The following CAMK2B variants were observed in gnomAD, a reference collection of about 807,000 sequenced individuals.
CAMK2B encodes the protein calcium/calmodulin-dependent protein kinase type II subunit beta.
A neutral mutation model predicts 93.7 loss-of-function variants in CAMK2B; 27 were observed. The ratio of observed to expected loss-of-function variants is 0.29; its 90% CI spans 0.21 to 0.40. CAMK2B has a LOEUF of 0.40. Ranked by LOEUF, CAMK2B falls within the 10% of genes least tolerant of loss-of-function variation. The pLI is 1.00. For synonymous variants in CAMK2B, 374 were observed against 358.8 expected (o/e 1.04, Z -0.48); for missense variants, 568 against 895.8 (o/e 0.63, Z 4.67).
At chr7:44,238,752 C>T (rs1328612502) in intron 13 of CAMK2B, among the ~76,000 whole-genome samples, 2 of 152,226 alleles carry the variant, frequency 1.3e-5, no homozygotes, top group Non-Finnish European at 2.9e-5. Context: ...GATCTGGGGT[C>T]ACCCCTGTAG....
intron 17 of CAMK2B, among the ~76,000 whole-genome samples, chr7:44,230,726 G>C (rs1178803132): frequency 6.6e-6 from 1 of 152,220 alleles, no homozygotes; most frequent in African/African-American, 2.4e-5. Flanking sequence ...GAGGGTCCTG[G>C]TGTGGAGAAC....
intron 2 of CAMK2B, among the ~76,000 whole-genome samples, chr7:44,273,385 G>A: frequency 6.6e-6 from 1 of 152,168 alleles, no homozygotes; most frequent in East Asian, 1.9e-4. Context: ...CGTAACCCCA[G>A]GACAGGACTC....
intron 1 of CAMK2B, among the ~76,000 whole-genome samples, chr7:44,288,897 T>C (rs1035529551): frequency 2.0e-5 from 3 of 151,964 alleles, no homozygotes; most frequent in African/African-American, 7.3e-5. Flanking sequence ...AGGTGCTGAG[T>C]GTACCTCCCC....
intron 1 of CAMK2B, among the ~76,000 whole-genome samples, chr7:44,317,507 T>C (rs1173073514): frequency 6.6e-6 from 1 of 152,218 alleles, no homozygotes; most frequent in Non-Finnish European, 1.5e-5. Context: ...GGTCTCTAAC[T>C]CCTGGGCTCA....
intron 3 of CAMK2B, among the ~76,000 whole-genome samples, chr7:44,259,876 T>C (rs1340276352): frequency 1.3e-5 from 2 of 152,162 alleles, no homozygotes; most frequent in East Asian, 3.8e-4. Context: ...CTAAGCACTT[T>C]GTGTGTGTTA....
chr7:44,273,609 G>A (rs893299707), intron 2 of CAMK2B, among the ~76,000 whole-genome samples: 1 of 152,128 alleles, frequency 6.6e-6, no homozygotes, highest in African/African-American at 2.4e-5. Context: ...TCTCTCCATA[G>A]ACACCAGCTT....
chr7:44,250,506 C>CCT (rs1354006931), intron 5 of CAMK2B, among the ~76,000 whole-genome samples: 1 of 151,458 alleles, frequency 6.6e-6, no homozygotes, highest in Admixed American at 6.6e-5. Context: ...TCCCTTCAGC[C>CCT]ATCTTTCAGT....
chr7:44,233,232 C>A (rs2096596325), intron 15 of CAMK2B, among the ~76,000 whole-genome samples: 1 of 152,102 alleles, frequency 6.6e-6, no homozygotes, highest in African/African-American at 2.4e-5. Flanking sequence ...TGAACCTGTG[C>A]CCCAGCGTGG....
At position 44,234,428 on chromosome 7, in the gene CAMK2B, C is replaced by A. The variant is rs375397173; in HGVS notation, c.1093G>T (p.Ala365Ser). The change falls in exon 15 of 24, where the codon GCC becomes TCC. Residue 365 changes from alanine to serine, a missense_variant. Coordinates refer to ENST00000395749, the MANE Select transcript of CAMK2B (RefSeq NM_001220.5). ...QTNSTKNSAA[A>S]TSPKGTLPPA... ...GGAAGCGTCCCTTTGGGGCTGGTGG[C>A]GGCTGCACTGTTTTTGGTGCTATTC... 2 of 1,547,640 alleles carry A rather than the reference C, an allele frequency of 1.3e-6. No individual in the cohort carries two copies. The highest frequency in any genetic ancestry group is 1.2e-5 in the South Asian group (1 of 80,368).
chr7:44,238,453 C>T (rs891623162), intron 13 of CAMK2B, among the ~76,000 whole-genome samples: 1 of 152,214 alleles, frequency 6.6e-6, no homozygotes, highest in African/African-American at 2.4e-5. Flanking sequence ...CCCCTCCCGC[C>T]TGCGCTCTGG....
chr7:44,291,581 T>G (rs1786851875), intron 1 of CAMK2B, among the ~76,000 whole-genome samples: 1 of 152,018 alleles, frequency 6.6e-6, no homozygotes, highest in African/African-American at 2.4e-5. Context: ...AGCACGGGAG[T>G]TCCTGTTTTG....
At chr7:44,237,390 C>T (rs950475052) in intron 13 of CAMK2B, among the ~76,000 whole-genome samples, 6 of 152,268 alleles carry the variant, frequency 3.9e-5, no homozygotes, top group African/African-American at 1.4e-4. Context: ...CACGTACAAA[C>T]CAGCCCTCCT....
chr7:44,315,534 T>C (rs1358344291), intron 1 of CAMK2B, among the ~76,000 whole-genome samples: 2 of 152,220 alleles, frequency 1.3e-5, no homozygotes, highest in African/African-American at 4.8e-5. Context: ...TTCTCCTTTT[T>C]CAAGATTGTT....
intron 1 of CAMK2B, among the ~76,000 whole-genome samples, chr7:44,313,626 C>T (rs1324426658): frequency 1.3e-5 from 2 of 150,990 alleles, no homozygotes; most frequent in Non-Finnish European, 2.9e-5. Context: ...TAAGGTGGTA[C>T]AGACGGCATC....
intron 2 of CAMK2B, among the ~76,000 whole-genome samples, chr7:44,270,560 G>A (rs2096965394): frequency 1.3e-5 from 2 of 152,248 alleles, no homozygotes; most frequent in African/African-American, 2.4e-5. Flanking sequence ...CCCTACGCAG[G>A]GGCCTGCTAT....
In CAMK2B at chr7:44,299,643, C is replaced by A. The variant is rs568305230; in HGVS notation, c.66-15418G>T. ...AACTGTCTACATTAATTAGAGAAAA[C>A]AATCATTTTAGGATCAATAATTTGC... On this transcript the variant is annotated intron_variant, in intron 1 of 23. Transcript: ENST00000395749. 4.8e-3 allele frequency among the ~76,000 whole-genome samples: 735 copies of A among 152,120 alleles called. 4 individuals carry two copies. The highest frequency in any genetic ancestry group is 9.2e-3 in the South Asian group (44 of 4,802).
rs188141800 is a variant in CAMK2B at position 44,238,660 on chromosome 7, C to T, written c.1021+929G>A. On this transcript the variant is annotated intron_variant, in intron 13 of 23. Transcript: ENST00000395749. The stretch of plus-strand genomic sequence containing the variant: ...CATGAGGAGGCCTGGGGAAGGCAGT[C>T]TCCAGCACCCTGGAACCTCTGCCGG... Among the ~76,000 whole-genome samples the T allele has an allele frequency of 2.0e-4, 31 of 152,350 alleles. No individual in the cohort carries two copies. In the East Asian group the frequency reaches 5.0e-3, roughly 25 times the overall value.
At chr7:44,323,000 G>A (rs1490095055) in intron 1 of CAMK2B, among the ~76,000 whole-genome samples, 18 of 152,200 alleles carry the variant, frequency 1.2e-4, no homozygotes, top group East Asian at 1.9e-4. Flanking sequence ...GGACCCCAGC[G>A]CTGCAAATGG....
chr7:44,254,948 AT>A (rs1416730939), intron 4 of CAMK2B, among the ~76,000 whole-genome samples: 1 of 151,650 alleles, frequency 6.6e-6, no homozygotes, highest in Non-Finnish European at 1.5e-5. Flanking sequence ...AATTTCAAAG[AT>A]TTGGTGACTT....
Sources: gnomAD v4.1 joint callset for allele counts (sites outside exome capture counted in the v4.1 genomes callset) on GRCh38, gnomAD v4.1.1 for gene constraint, MANE v1.5 for transcripts, NCBI Gene and HGNC (gene_info 2026-07-23, HGNC 2026-07-21) for gene names.